Variants in SAMD14 observed in about 807,000 individuals in gnomAD.
SAMD14 encodes the protein sterile alpha motif domain containing 14, also known as sterile alpha motif domain-containing protein 14.
In SAMD14, 27 loss-of-function variants were observed where a neutral mutation model predicts 46.2. That is an observed-to-expected ratio of 0.58 (90% CI 0.43 to 0.81). SAMD14 has a LOEUF of 0.81. Ranked by LOEUF, SAMD14 falls within the 30% of genes least tolerant of loss-of-function variation. SAMD14 has a pLI of 0.00. For synonymous variants in SAMD14, 241 were observed against 254.3 expected, an observed-to-expected ratio of 0.95 and a Z score of 0.50; for missense variants, 559 against 582.2, an observed-to-expected ratio of 0.96 and a Z score of 0.41.
chr17:50,122,005 G>C (rs1911525967), intron 2 of SAMD14, among the ~76,000 whole-genome samples: 1 of 152,160 alleles, frequency 6.6e-6, no homozygotes, highest in African/African-American at 2.4e-5. Flanking sequence ...GACTTAGTAC[G>C]AGCTCAACAG....
At chr17:50,117,838 G>A in intron 3 of SAMD14, 143 bp from the exon 4 acceptor site, 1 of 902,298 alleles carries the variant, frequency 1.1e-6, no homozygotes, top group Non-Finnish European at 1.5e-6. Context: ...AGGCAGCGGG[G>A]TGGCTGGAGA....
rs1248268772 is a variant in SAMD14 at position 50,117,693 on chromosome 17, C to A, written c.213G>T (p.Val71=). 2.1e-6 allele frequency: 3 copies of A among 1,448,384 alleles called. No homozygotes were observed. Among genetic ancestry groups the A allele is most frequent in the Admixed American group, 2.6e-5 (1 of 38,636 alleles). 89.7% of individuals were successfully genotyped at this position (1,448,384 alleles called of 1,614,324 possible). Residue 71 remains valine, a splice_region_variant and synonymous_variant, in exon 4 of 10, where the codon GTG becomes GTT. Transcript: ENST00000330175. The part of the protein sequence containing the change: ...GEGSDGPGGK[V]TDGCGSPLHR... ...GCAGGGGGCTCCCGCAGCCATCGGT[C>A]ACCTGGACGAGGGGGCAGCCGCTCA...
chr17:50,117,331 C>T (rs911094905), intron 4 of SAMD14, 76 bp downstream of exon 4: 4 of 1,239,318 alleles, frequency 3.2e-6, no homozygotes, highest in East Asian at 3.2e-5. Context: ...TCCGCGGCTG[C>T]GGTGCGCGCC....
At position 50,111,969 on chromosome 17, in the gene SAMD14, CCT is replaced by C. The variant is rs1280674851; in HGVS notation, c.*922_*923del. The C allele has an allele frequency of 6.6e-6, 1 of 152,282 alleles. No individual in the cohort carries two copies. Among genetic ancestry groups the C allele is most frequent in the Non-Finnish European group, 1.5e-5 (1 of 68,182 alleles). 9.4% of individuals were successfully genotyped at this position (152,282 alleles called of 1,614,324 possible). On this transcript the variant is annotated 3_prime_UTR_variant, in exon 10 of 10. Coordinates refer to ENST00000330175, the MANE Select transcript of SAMD14 (RefSeq NM_001257359.2). ...AGCTGCCGGGGACCCCCAGGTTTTG[CCT>C]CTCTGCCTGGCTGGGGTGAGGGCTG...
intron 7 of SAMD14, chr17:50,114,945 G>C (rs1911101743): frequency 6.5e-6 from 1 of 154,906 alleles, no homozygotes; most frequent in Non-Finnish European, 1.4e-5. Flanking sequence ...CCAGTCTGTG[G>C]GCAAGCCCCT....
chr17:50,117,443 C>G lies in SAMD14; in HGVS notation c.463G>C (p.Val155Leu). Residue 155 changes from valine to leucine, a missense_variant, in exon 4 of 10, where the codon GTG becomes CTG. Coordinates refer to ENST00000330175, the MANE Select transcript of SAMD14 (RefSeq NM_001257359.2). The stretch of plus-strand genomic sequence containing the variant: ...GGCTCTGCGCGCGGGTGGCGGCGCA[C>G]GAAGCTGGGGGAGCTGTCGGAGGAG... ...APSSDSSPSF[V>L]RRHPRAEPHS... The G allele has an allele frequency of 7.4e-7, 1 of 1,351,288 alleles. No individual in the cohort carries two copies. Among genetic ancestry groups the G allele is most frequent in the Non-Finnish European group, 9.5e-7 (1 of 1,058,118 alleles). The allele number at this position is 1,351,288 out of a possible 1,614,324, so 83.7% of individuals were successfully genotyped here. A position where few individuals can be genotyped will look rare whatever the true frequency, so the allele number is the denominator to read the frequency against.
chr17:50,113,406 C>A, intron 9 of SAMD14: 1 of 270,722 alleles, frequency 3.7e-6, no homozygotes, highest in Non-Finnish European at 7.1e-6. Flanking sequence ...ACCCTCCTCA[C>A]TTCCAGAGAC....
rs117194607 is a variant in SAMD14, at chr17:50,119,205, C to T, written c.44-878G>A. On this transcript the variant is annotated intron_variant, in intron 2 of 9. Coordinates refer to ENST00000330175, the MANE Select transcript of SAMD14 (RefSeq NM_001257359.2). ...CCCTGTGCTAGATCTTGCATGAGGA[C>T]ATGGAGGAAGAGTGGGCAGACCCAG... Among the ~76,000 whole-genome samples the T allele has an allele frequency of 6.0e-4, 92 of 152,338 alleles. No individual in the cohort carries two copies. The East Asian group carries it at 0.016, about 27-fold the overall frequency.
rs755971890 is a variant in SAMD14, at chr17:50,114,212, T to C, written c.917A>G (p.His306Arg). The change falls in exon 8 of 10, where the codon CAC becomes CGC. Residue 306 changes from histidine (H) to arginine (R), a missense_variant. By Grantham distance (29) the His-to-Arg change is conservative (BLOSUM62 0). Coordinates refer to ENST00000330175, the MANE Select transcript of SAMD14 (RefSeq NM_001257359.2). ...CTCATCTGAAGACTGAGACAGCGTG[T>C]GGTAGGGGTAAGAACATTTGGCCTC... ...WQEAKCSYPY[H>R]TLSQSSDEFL... The C allele has an allele frequency of 6.2e-7, 1 of 1,614,100 alleles. No individual in the cohort carries two copies. Among genetic ancestry groups the C allele is most frequent in the Admixed American group, 1.7e-5 (1 of 60,022 alleles).
At chr17:50,121,420 C>T (rs935123751) in intron 2 of SAMD14, among the ~76,000 whole-genome samples, 16 of 151,954 alleles carry the variant, frequency 1.1e-4, no homozygotes, top group African/African-American at 4.8e-5. Context: ...CAGGCTCAAT[C>T]GATTCTCCTG....
chr17:50,114,055 C>A lies in SAMD14; in HGVS notation c.967G>T (p.Val323Phe), dbSNP rs957986569. 15 of 1,613,562 alleles carry A rather than the reference C, an allele frequency of 9.3e-6. No individual in the cohort carries two copies. Among genetic ancestry groups the A allele is most frequent in the Middle Eastern group, 1.6e-4 (1 of 6,062 alleles). ...DEFLDEPLPP[V>F]HHWTSQQVGQ... ...ACCTGCTGGCTGGTCCAGTGGTGGA[C>A]AGGGGGGAGGGGTTCATCCAGGAAC... Residue 323 changes from valine (V) to phenylalanine (F), a missense_variant, in exon 9 of 10, where the codon GTC becomes TTC. Transcript: ENST00000330175.
At position 50,118,217 on chromosome 17, in the gene SAMD14, G is replaced by A. The variant is rs753127511; in HGVS notation, c.154C>T (p.Arg52Trp). ...TCCTCCGCGGAGCTGGCACTGTCCCGAAGCCTGGAGCGGGATGGCCGGTGT... is the reference window on the plus strand; with the variant it reads ...TCCTCCGCGGAGCTGGCACTGTCCCAAAGCCTGGAGCGGGATGGCCGGTGT... ...RRHRPSRSRL[R>W]DSASSAEDGE... is the part of the protein sequence containing the mutation. Residue 52 changes from arginine to tryptophan, a missense_variant, in exon 3 of 10, where the codon CGG becomes TGG. By Grantham distance (101) the Arg-to-Trp change is moderately radical. Coordinates refer to ENST00000330175, the MANE Select transcript of SAMD14 (RefSeq NM_001257359.2). 8 of 1,613,406 alleles carry A rather than the reference G, an allele frequency of 5.0e-6. No homozygotes were observed. The African/African-American group carries it at 6.7e-5, about 13-fold the overall frequency.
chr17:50,126,951 T>G (rs1236487179), intron 1 of SAMD14, among the ~76,000 whole-genome samples: 1 of 150,798 alleles, frequency 6.6e-6, no homozygotes, highest in East Asian at 2.0e-4. Flanking sequence ...AACACAAAAA[T>G]TAGTTGGGTG....
rs1291168742 is a variant in SAMD14 at position 50,115,284 on chromosome 17, G to A, written c.822+280C>T. ...AGAAGAGTTAGCAGGAATGAAGGAA[G>A]TCTCCAGCTGGGTGAACAGTAGGGA... On this transcript the variant is annotated intron_variant, in intron 7 of 9. Coordinates refer to ENST00000330175, the MANE Select transcript of SAMD14 (RefSeq NM_001257359.2). This position sits in a 1 kb window ranked among gnomAD's most constrained non-coding sequence, Gnocchi z 5.3. Among the ~76,000 whole-genome samples the A allele has an allele frequency of 6.6e-6, 1 of 152,210 alleles. No homozygotes were observed. Among genetic ancestry groups the A allele is most frequent in the African/African-American group, 2.4e-5 (1 of 41,438 alleles).
At chr17:50,127,364 A>G (rs188498614) in intron 1 of SAMD14, among the ~76,000 whole-genome samples, 1 of 152,172 alleles carries the variant, frequency 6.6e-6, no homozygotes, top group Admixed American at 6.5e-5. Flanking sequence ...GCACTTTGGG[A>G]GGCCGAGGCG....
intron 2 of SAMD14, among the ~76,000 whole-genome samples, chr17:50,120,293 G>T (rs1295644375): frequency 1.3e-5 from 2 of 152,094 alleles, no homozygotes; most frequent in East Asian, 3.8e-4. Context: ...CGTACATATG[G>T]AGAGAAAGGG....
intron 1 of SAMD14, among the ~76,000 whole-genome samples, chr17:50,125,548 A>T (rs563288031): frequency 6.6e-6 from 1 of 152,006 alleles, no homozygotes; most frequent in East Asian, 1.9e-4. Context: ...CTCATCATCC[A>T]TTCACTCACC....
At chr17:50,124,877 C>A in intron 2 of SAMD14, 40 bp downstream of exon 2, 1 of 1,606,988 alleles carries the variant, frequency 6.2e-7, no homozygotes. Flanking sequence ...TACTCTATGG[C>A]TGTGTCTATT....
At chr17:50,121,456 T>C (rs1419094146) in intron 2 of SAMD14, among the ~76,000 whole-genome samples, 2 of 152,092 alleles carry the variant, frequency 1.3e-5, no homozygotes, top group Non-Finnish European at 2.9e-5. Flanking sequence ...TAGCTGGGAC[T>C]ACAGGTGTGT....
Sources: gnomAD v4.1 joint callset for allele counts (sites outside exome capture counted in the v4.1 genomes callset) on GRCh38, gnomAD v4.1.1 for gene constraint, Gnocchi (gnomAD v3.1) non-coding constraint, MANE v1.5 for transcripts, NCBI Gene and HGNC (gene_info 2026-07-23, HGNC 2026-07-21) for gene names.